CSMD1: variants seen among roughly 807,000 people sequenced by gnomAD.
CSMD1 encodes the protein CUB and sushi domain-containing protein 1.
A neutral mutation model predicts 417.5 loss-of-function variants in CSMD1; 213 were observed. The ratio of observed to expected loss-of-function variants is 0.51; its 90% CI spans 0.46 to 0.57. The LOEUF is 0.57. Ranked by LOEUF, CSMD1 falls within the 20% of genes least tolerant of loss-of-function variation. The pLI is 0.00. For missense variants in CSMD1, 6,923 were observed against 4,529.7 expected, an observed-to-expected ratio of 1.53 and a Z score of -15.17; for synonymous variants, 2,862 against 1,736.8, an observed-to-expected ratio of 1.65 and a Z score of -16.11.
At chr8:4,785,256 G>A (rs980192295) in intron 1 of CSMD1, among the ~76,000 whole-genome samples, 1 of 152,158 alleles carries the variant, frequency 6.6e-6, no homozygotes, top group Non-Finnish European at 1.5e-5. Context: ...ATGAGGAGGT[G>A]AACATTGGCA....
intron 2 of CSMD1, among the ~76,000 whole-genome samples, chr8:4,489,545 G>T (rs1032195663): frequency 5.3e-5 from 8 of 152,200 alleles, no homozygotes; most frequent in South Asian, 4.1e-4. Context: ...TTGTGTGGCA[G>T]ACAGGCTATG....
intron 7 of CSMD1, among the ~76,000 whole-genome samples, chr8:3,684,618 G>C (rs923277029): frequency 5.4e-5 from 6 of 110,244 alleles, no homozygotes; most frequent in Non-Finnish European, 1.1e-4. Flanking sequence ...TTTTTTTTTA[G>C]ACGGAGTCTC....
intron 3 of CSMD1, among the ~76,000 whole-genome samples, chr8:4,413,127 A>C (rs985591337): frequency 6.6e-6 from 1 of 152,204 alleles, no homozygotes; most frequent in Non-Finnish European, 1.5e-5. Context: ...AGATGGATAT[A>C]TAGAATATGG....
At chr8:3,703,949 T>C (rs1461685429) in intron 7 of CSMD1, among the ~76,000 whole-genome samples, 1 of 152,016 alleles carries the variant, frequency 6.6e-6, no homozygotes, top group African/African-American at 2.4e-5. Flanking sequence ...CACACACCTG[T>C]ACTCCCTGCT....
At chr8:3,406,562 CT>C (rs1324637227) in intron 14 of CSMD1, among the ~76,000 whole-genome samples, 2 of 152,064 alleles carry the variant, frequency 1.3e-5, no homozygotes, top group Non-Finnish European at 1.5e-5. Flanking sequence ...AGAATCCTGA[CT>C]TTTTTTCTTA....
intron 49 of CSMD1, among the ~76,000 whole-genome samples, chr8:3,086,501 T>G (rs900307834): frequency 1.3e-5 from 2 of 152,144 alleles, no homozygotes; most frequent in Non-Finnish European, 2.9e-5. Context: ...AAGACTAATA[T>G]AATTCATTAT....
At chr8:4,167,408 T>C (rs937174721) in intron 3 of CSMD1, among the ~76,000 whole-genome samples, 1 of 152,126 alleles carries the variant, frequency 6.6e-6, no homozygotes, top group African/African-American at 2.4e-5. Flanking sequence ...GGCTAAAGTG[T>C]TCATGTAAAA....
chr8:4,782,538 C>T (rs948302150), intron 1 of CSMD1, among the ~76,000 whole-genome samples: 2 of 152,100 alleles, frequency 1.3e-5, no homozygotes, highest in African/African-American at 4.8e-5. Context: ...TAAATATGCT[C>T]TAAGACATTT....
intron 2 of CSMD1, among the ~76,000 whole-genome samples, chr8:4,446,147 G>T (rs561053525): frequency 6.6e-6 from 1 of 152,154 alleles, no homozygotes; most frequent in Non-Finnish European, 1.5e-5. Context: ...CGTGAGTTTT[G>T]AACTGAAACC....
At chr8:3,990,190 G>A (rs896292091) in intron 5 of CSMD1, among the ~76,000 whole-genome samples, 12 of 152,198 alleles carry the variant, frequency 7.9e-5, no homozygotes, top group Admixed American at 7.2e-4. Context: ...CAAAAAGAAA[G>A]AAGTGTGATT....
chr8:3,463,842 C>T (rs1816653300), intron 12 of CSMD1, among the ~76,000 whole-genome samples: 1 of 152,310 alleles, frequency 6.6e-6, no homozygotes, highest in African/African-American at 2.4e-5. Flanking sequence ...TGAACCATCT[C>T]CTACATTCCT....
intron 1 of CSMD1, among the ~76,000 whole-genome samples, chr8:4,888,384 T>A (rs1338995608): frequency 6.6e-6 from 1 of 151,964 alleles, no homozygotes; most frequent in Non-Finnish European, 1.5e-5. Flanking sequence ...AGGAGATATA[T>A]GTATATTTTC....
chr8:4,206,751 T>G (rs1293708913), intron 3 of CSMD1, among the ~76,000 whole-genome samples: 3 of 152,158 alleles, frequency 2.0e-5, no homozygotes, highest in Non-Finnish European at 4.4e-5. Flanking sequence ...TCAGAATATT[T>G]CCAATGAAAC....
intron 2 of CSMD1, among the ~76,000 whole-genome samples, chr8:4,432,616 C>A (rs1256528806): frequency 6.6e-6 from 1 of 152,046 alleles, no homozygotes; most frequent in Non-Finnish European, 1.5e-5. Context: ...GGAAACGAAG[C>A]CTCAGAGATC....
intron 3 of CSMD1, among the ~76,000 whole-genome samples, chr8:4,234,056 A>G (rs1265821682): frequency 6.6e-6 from 1 of 152,144 alleles, no homozygotes; most frequent in Non-Finnish European, 1.5e-5. Context: ...TGAAACAGAT[A>G]AGTCAACCAT....
intron 10 of CSMD1, among the ~76,000 whole-genome samples, chr8:3,567,715 T>C (rs1241330318): frequency 6.6e-6 from 1 of 152,122 alleles, no homozygotes; most frequent in East Asian, 1.9e-4. Context: ...CCTCTCTGAA[T>C]TTCTGGAACG....
At chr8:3,081,080 G>A (rs1253095487) in intron 49 of CSMD1, among the ~76,000 whole-genome samples, 1 of 152,172 alleles carries the variant, frequency 6.6e-6, no homozygotes, top group Non-Finnish European at 1.5e-5. Flanking sequence ...GGCTACAAGG[G>A]GCAGGGTATT....
At chr8:4,477,258 G>C (rs2130099259) in intron 2 of CSMD1, among the ~76,000 whole-genome samples, 1 of 152,330 alleles carries the variant, frequency 6.6e-6, no homozygotes, top group South Asian at 2.1e-4. Context: ...AGCCACTGCA[G>C]CTCCCACTAA....
chr8:4,945,138 G>A lies in CSMD1; in HGVS notation c.85+49194C>T, dbSNP rs1007664964. On this transcript the variant is annotated intron_variant, in intron 1 of 69. Coordinates refer to ENST00000635120, the MANE Select transcript of CSMD1 (RefSeq NM_033225.6). ...AAGCACAATATAATCAGCGTAATTAGCCACCCACAACAAGAGAAATACTGA... is the reference window on the plus strand; with the variant it reads ...AAGCACAATATAATCAGCGTAATTAACCACCCACAACAAGAGAAATACTGA... Among the ~76,000 whole-genome samples the A allele has an allele frequency of 4.6e-5, 7 of 152,126 alleles. No homozygotes were observed. In the East Asian group the frequency reaches 1.2e-3, roughly 25 times the overall value.
Sources: allele counts gnomAD v4.1 joint callset (sites outside exome capture counted in the v4.1 genomes callset), GRCh38; gene constraint gnomAD v4.1.1; transcripts MANE v1.5; gene names NCBI Gene and HGNC (gene_info 2026-07-23, HGNC 2026-07-21).